RUNX2: variants seen among roughly 807,000 people sequenced by gnomAD.
RUNX2 encodes runt-related transcription factor 2.
A neutral mutation model predicts 51.7 loss-of-function variants in RUNX2; 10 were observed. The observed-to-expected ratio is 0.19, with a 90% confidence interval of 0.12 to 0.33. The LOEUF (loss-of-function observed/expected upper bound fraction) is 0.33, where lower values mean the gene tolerates loss of function less well. RUNX2 is among the 10% of genes least tolerant of loss of function. RUNX2 has a pLI of 1.00. For synonymous variants in RUNX2, 276 were observed against 273.6 expected (o/e 1.01, Z -0.09); for missense variants, 562 against 691.3 (o/e 0.81, Z 2.10).
intron 2 of RUNX2, among the ~76,000 whole-genome samples, chr6:45,404,134 C>T (rs1289836778): frequency 1.3e-5 from 2 of 151,238 alleles, no homozygotes; most frequent in Non-Finnish European, 2.9e-5. Flanking sequence ...GTGGCGTGTG[C>T]CTGTAGTCCC....
At position 45,512,360 on chromosome 6, in the gene RUNX2, G is replaced by C; in HGVS notation, c.974G>C (p.Arg325Pro). Residue 325 changes from arginine (R) to proline (P), a missense_variant, in exon 7 of 9, where the codon CGG becomes CCG. Coordinates refer to ENST00000647337, the MANE Select transcript of RUNX2 (RefSeq NM_001024630.4). ...IHSTTPLSST[R>P]GTGLPAITDV... is the part of the protein sequence containing the mutation. ...TCTACCACCCCGCTGTCTTCCACAC[G>C]GGGCACTGGGCTTCCTGCCATCACC... 6.2e-7 allele frequency: 1 copy of C among 1,614,024 alleles called. No homozygotes were observed. The highest frequency in any genetic ancestry group is 8.5e-7 in the Non-Finnish European group (1 of 1,180,010).
intron 5 of RUNX2, among the ~76,000 whole-genome samples, chr6:45,471,825 A>G (rs977985356): frequency 2.6e-5 from 4 of 152,138 alleles, no homozygotes; most frequent in Admixed American, 6.5e-5. Context: ...TTGTCTATTA[A>G]TGGTTAATTT....
At chr6:45,390,900 T>C (rs895595487) in intron 2 of RUNX2, among the ~76,000 whole-genome samples, 1 of 152,214 alleles carries the variant, frequency 6.6e-6, no homozygotes, top group African/African-American at 2.4e-5. Context: ...TGAAACATAG[T>C]ACTTCTTTTA....
At chr6:45,494,936 A>G (rs1315826000) in intron 6 of RUNX2, among the ~76,000 whole-genome samples, 5 of 152,142 alleles carry the variant, frequency 3.3e-5, no homozygotes, top group African/African-American at 9.7e-5. Context: ...GGCATACCAC[A>G]TCCTGTGCCC....
chr6:45,486,977 G>A (rs760254373), intron 5 of RUNX2, among the ~76,000 whole-genome samples: 5 of 152,084 alleles, frequency 3.3e-5, no homozygotes, highest in Non-Finnish European at 7.4e-5. Flanking sequence ...GGCACAATGG[G>A]GTGATTCGCT....
intron 5 of RUNX2, among the ~76,000 whole-genome samples, chr6:45,476,689 G>A (rs1799964620): frequency 6.6e-6 from 1 of 152,128 alleles, no homozygotes; most frequent in Admixed American, 6.5e-5. Flanking sequence ...TTAGTGTTAA[G>A]AAATAAAAGT....
chr6:45,405,634 C>G, intron 2 of RUNX2, among the ~76,000 whole-genome samples: 1 of 152,106 alleles, frequency 6.6e-6, no homozygotes, highest in Non-Finnish European at 1.5e-5. Flanking sequence ...ACTGAAAATA[C>G]AAAAATTAGC....
intron 4 of RUNX2, among the ~76,000 whole-genome samples, chr6:45,434,914 G>C (rs1013491556): frequency 3.3e-5 from 5 of 152,098 alleles, no homozygotes; most frequent in Non-Finnish European, 7.4e-5. Context: ...GACTTAAGAG[G>C]TGCATTATTA....
chr6:45,440,126 C>T (rs1037686697), intron 5 of RUNX2, among the ~76,000 whole-genome samples: 1 of 152,162 alleles, frequency 6.6e-6, no homozygotes, highest in Non-Finnish European at 1.5e-5. Flanking sequence ...CTGAAAATAT[C>T]GGTGAAAATG....
chr6:45,416,089 T>A (rs1798064197), intron 2 of RUNX2, among the ~76,000 whole-genome samples: 1 of 152,202 alleles, frequency 6.6e-6, no homozygotes, highest in Non-Finnish European at 1.5e-5. Flanking sequence ...GGAAAAACAC[T>A]GAGAGAACGG....
rs1345918009 is a variant in RUNX2 at position 45,328,645 on chromosome 6, T to A, written c.-66-16T>A. ...GTAAAACTAAAACAAGGTTTGGGTATGGTTTGTATTTTCAGTTTAAGGCTG... is the reference window on the plus strand; with the variant it reads ...GTAAAACTAAAACAAGGTTTGGGTAAGGTTTGTATTTTCAGTTTAAGGCTG... On this transcript the variant is annotated splice_polypyrimidine_tract_variant and intron_variant, in intron 1 of 8. Coordinates refer to ENST00000647337, the MANE Select transcript of RUNX2 (RefSeq NM_001024630.4). 6.2e-7 allele frequency: 1 copy of A among 1,610,618 alleles called. No homozygotes were observed. Among genetic ancestry groups the A allele is most frequent in the East Asian group, 2.2e-5 (1 of 44,728 alleles).
chr6:45,360,156 C>T (rs1794001882), intron 2 of RUNX2, among the ~76,000 whole-genome samples: 1 of 152,150 alleles, frequency 6.6e-6, no homozygotes, highest in East Asian at 1.9e-4. Context: ...GTCAGACTTC[C>T]TGGCATTAAT....
At chr6:45,355,521 G>C (rs1342495908) in intron 2 of RUNX2, among the ~76,000 whole-genome samples, 1 of 152,018 alleles carries the variant, frequency 6.6e-6, no homozygotes, top group Non-Finnish European at 1.5e-5. Flanking sequence ...AGTGAACCAA[G>C]ATCTTGCAGC....
chr6:45,417,150 T>G (rs189588727), intron 2 of RUNX2, among the ~76,000 whole-genome samples: 50 of 152,336 alleles, frequency 3.3e-4, no homozygotes, highest in African/African-American at 1.1e-3. Flanking sequence ...ATATAGGTCT[T>G]ACGAATATAT....
intron 6 of RUNX2, among the ~76,000 whole-genome samples, chr6:45,500,523 T>G (rs952255192): frequency 2.6e-5 from 4 of 152,218 alleles, no homozygotes; most frequent in Non-Finnish European, 5.9e-5. Flanking sequence ...GCTAGGAGAT[T>G]TCTGAAATCC....
intron 2 of RUNX2, among the ~76,000 whole-genome samples, chr6:45,414,519 T>C (rs1269226895): frequency 1.3e-5 from 2 of 152,166 alleles, no homozygotes; most frequent in Non-Finnish European, 2.9e-5. Flanking sequence ...AGATTCAAAA[T>C]GCATGTAGCA....
At chr6:45,495,474 T>C (rs1800618902) in intron 6 of RUNX2, among the ~76,000 whole-genome samples, 1 of 152,252 alleles carries the variant, frequency 6.6e-6, no homozygotes, top group Non-Finnish European at 1.5e-5. Flanking sequence ...AGGGTCAATG[T>C]AATTGCATGA....
rs894555851 is a variant in RUNX2 at position 45,398,906 on chromosome 6, G to A, written c.59-23687G>A. Among the ~76,000 whole-genome samples, 3 of 152,136 alleles carry A rather than the reference G, an allele frequency of 2.0e-5. No individual in the cohort carries two copies. In the South Asian group the frequency reaches 6.2e-4, roughly 32 times the overall value. ...GTAATTTTCCCAAGTCACACACCTG[G>A]TAAATGAAAAGCCTATATTTAATAT... On this transcript the variant is annotated intron_variant, in intron 2 of 8. Transcript: ENST00000647337.
chr6:45,496,915 A>G (rs1012653440), intron 6 of RUNX2, among the ~76,000 whole-genome samples: 2 of 151,998 alleles, frequency 1.3e-5, no homozygotes, highest in African/African-American at 4.8e-5. Context: ...TTTAATAGAG[A>G]GTTCACAACT....
Sources: allele counts gnomAD v4.1 joint callset (sites outside exome capture counted in the v4.1 genomes callset), GRCh38; gene constraint gnomAD v4.1.1; transcripts MANE v1.5; gene names NCBI Gene and HGNC (gene_info 2026-07-23, HGNC 2026-07-21).